The following GALNT10 variants were observed in gnomAD, a reference collection of about 807,000 sequenced individuals.
GALNT10 encodes GalNAc transferase 10.
A neutral mutation model predicts 75.0 loss-of-function variants in GALNT10; 41 were observed. The observed-to-expected ratio is 0.55, with a 90% confidence interval of 0.43 to 0.71. The LOEUF (loss-of-function observed/expected upper bound fraction) is 0.71, where lower values mean the gene tolerates loss of function less well. Ranked by LOEUF, GALNT10 falls within the 30% of genes least tolerant of loss-of-function variation. The pLI is 0.00. For synonymous variants in GALNT10, 302 were observed against 313.0 expected, an observed-to-expected ratio of 0.96 and a Z score of 0.37; for missense variants, 727 against 818.5, an observed-to-expected ratio of 0.89 and a Z score of 1.36.
At chr5:154,405,464 G>A (rs577039041) in intron 8 of GALNT10, among the ~76,000 whole-genome samples, 3 of 152,222 alleles carry the variant, frequency 2.0e-5, no homozygotes, top group Admixed American at 6.5e-5. Flanking sequence ...GCGGGGGGTA[G>A]GTTCTAGGTT....
intron 1 of GALNT10, among the ~76,000 whole-genome samples, chr5:154,264,894 A>C (rs1203487698): frequency 2.0e-5 from 3 of 152,182 alleles, no homozygotes; most frequent in African/African-American, 7.2e-5. Flanking sequence ...TGGGCTCTTC[A>C]TGCCAACTGT....
chr5:154,210,995 G>C (rs1352815441), intron 1 of GALNT10, among the ~76,000 whole-genome samples: 1 of 152,224 alleles, frequency 6.6e-6, no homozygotes, highest in Admixed American at 6.5e-5. Flanking sequence ...AACAGATGTG[G>C]AGAATGATAA....
intron 4 of GALNT10, among the ~76,000 whole-genome samples, chr5:154,375,401 G>A (rs999883669): frequency 2.0e-5 from 3 of 152,170 alleles, no homozygotes; most frequent in Admixed American, 1.3e-4. Context: ...CCAACATTGA[G>A]GCTGAGACTT....
intron 1 of GALNT10, among the ~76,000 whole-genome samples, chr5:154,244,431 G>A (rs1024240544): frequency 1.3e-5 from 2 of 151,690 alleles, no homozygotes; most frequent in African/African-American, 2.4e-5. Context: ...AAAAAAAAAA[G>A]AATTATTTCA....
intron 1 of GALNT10, among the ~76,000 whole-genome samples, chr5:154,286,481 A>G (rs1290681883): frequency 6.6e-6 from 1 of 151,990 alleles, no homozygotes; most frequent in Non-Finnish European, 1.5e-5. Flanking sequence ...AAAGCTACTG[A>G]AGGTTCTATT....
chr5:154,382,976 C>G (rs112708733), intron 6 of GALNT10, among the ~76,000 whole-genome samples: 4,961 of 152,324 alleles, frequency 0.033, 119 homozygotes, highest in Non-Finnish European at 0.048. Flanking sequence ...TTGACATCAC[C>G]TGGGGAGCTT....
chr5:154,224,180 T>C (rs1753026850), intron 1 of GALNT10, among the ~76,000 whole-genome samples: 2 of 152,116 alleles, frequency 1.3e-5, no homozygotes, highest in Non-Finnish European at 2.9e-5. Context: ...TTATAGAAGG[T>C]TGTGTGTCCT....
At chr5:154,193,321 A>C (rs1774889776) in intron 1 of GALNT10, among the ~76,000 whole-genome samples, 1 of 152,186 alleles carries the variant, frequency 6.6e-6, no homozygotes, top group Non-Finnish European at 1.5e-5. Flanking sequence ...AAATTTCCAC[A>C]CAGCCCCTTT....
intron 1 of GALNT10, among the ~76,000 whole-genome samples, chr5:154,231,703 G>A (rs1029212634): frequency 9.2e-5 from 14 of 152,162 alleles, no homozygotes; most frequent in African/African-American, 3.4e-4. Flanking sequence ...GGCCATTGTG[G>A]GACAACATCT....
At chr5:154,340,073 C>T (rs1755009443) in intron 4 of GALNT10, among the ~76,000 whole-genome samples, 1 of 152,160 alleles carries the variant, frequency 6.6e-6, no homozygotes, top group Non-Finnish European at 1.5e-5. Flanking sequence ...TTGCCATTAC[C>T]TTTCATAGGA....
chr5:154,336,263 T>C (rs1384786537), intron 4 of GALNT10, among the ~76,000 whole-genome samples: 1 of 152,220 alleles, frequency 6.6e-6, no homozygotes, highest in Non-Finnish European at 1.5e-5. Context: ...GCTTCCGAGT[T>C]TTGGCAAATA....
intron 3 of GALNT10, among the ~76,000 whole-genome samples, chr5:154,309,982 G>A (rs1224456449): frequency 2.0e-5 from 3 of 152,204 alleles, no homozygotes; most frequent in African/African-American, 7.2e-5. Flanking sequence ...AATGACCCAA[G>A]ACCGGACGTA....
chr5:154,395,062 G>A (rs192937427), intron 7 of GALNT10, among the ~76,000 whole-genome samples: 6 of 152,350 alleles, frequency 3.9e-5, no homozygotes, highest in African/African-American at 7.2e-5. Context: ...TCAAAGGCCC[G>A]AGGGTCGCCT....
At chr5:154,228,146 A>G (rs1367122765) in intron 1 of GALNT10, among the ~76,000 whole-genome samples, 1 of 152,200 alleles carries the variant, frequency 6.6e-6, no homozygotes, top group Admixed American at 6.5e-5. Flanking sequence ...TGCTGGCACC[A>G]TGCTTCCTGT....
chr5:154,261,552 T>C (rs534834063), intron 1 of GALNT10, among the ~76,000 whole-genome samples: 1 of 152,308 alleles, frequency 6.6e-6, no homozygotes, highest in African/African-American at 2.4e-5. Flanking sequence ...TTCCACCAGC[T>C]AAGCAGGCCC....
chr5:154,341,385 T>C (rs1755029877), intron 4 of GALNT10, among the ~76,000 whole-genome samples: 2 of 152,238 alleles, frequency 1.3e-5, no homozygotes, highest in South Asian at 4.1e-4. Context: ...TCATCTCCTA[T>C]TTGTCCTCCA....
chr5:154,204,459 C>G (rs1002021), intron 1 of GALNT10, among the ~76,000 whole-genome samples: 67,323 of 152,028 alleles, frequency 0.44, 15,757 homozygotes, highest in East Asian at 0.78. Flanking sequence ...GTTTCTGCCT[C>G]TTTCCTAAAA....
At chr5:154,237,178 G>C (rs1422789) in intron 1 of GALNT10, among the ~76,000 whole-genome samples, 98,551 of 151,902 alleles carry the variant, frequency 0.65, 32,371 homozygotes, top group East Asian at 0.84. Context: ...GAACTGGCAA[G>C]AGGCAGGACA....
rs865919426 is a variant in GALNT10 at position 154,292,392 on chromosome 5, A to G, written c.160-2424A>G. On this transcript the variant is annotated intron_variant, in intron 1 of 11. Transcript: ENST00000297107. ...CTTCAGATACAACACTTTGAACACC[A>G]TGGCTTTAGTTTTGTGCCTTCCATT... Among the ~76,000 whole-genome samples, 3 of 152,140 alleles carry G rather than the reference A, an allele frequency of 2.0e-5. No individual in the cohort carries two copies. In the South Asian group the frequency reaches 6.2e-4, roughly 32 times the overall value.
Sources: allele counts gnomAD v4.1 joint callset (sites outside exome capture counted in the v4.1 genomes callset), GRCh38; gene constraint gnomAD v4.1.1; transcripts MANE v1.5; gene names NCBI Gene and HGNC (gene_info 2026-07-23, HGNC 2026-07-21).